DPH5: variants seen among roughly 807,000 people sequenced by gnomAD.
The protein encoded by DPH5 is diphthine methyl ester synthase.
In DPH5, 31 loss-of-function variants were observed where a neutral mutation model predicts 31.6. The observed-to-expected ratio is 0.98, with a 90% CI of 0.74 to 1.32. DPH5 has a LOEUF of 1.32. Ranked by LOEUF, DPH5 falls within the 40% of genes most tolerant of loss-of-function variation. The pLI is 0.00. For synonymous variants in DPH5, 120 were observed against 115.0 expected (o/e 1.04, Z -0.28); for missense variants, 309 against 335.7 (o/e 0.92, Z 0.62).
intron 5 of DPH5, among the ~76,000 whole-genome samples, chr1:100,998,667 G>T (rs1040135967): frequency 6.6e-6 from 1 of 152,194 alleles, no homozygotes; most frequent in African/African-American, 2.4e-5. Context: ...TTTATTTAGT[G>T]CCTACACTGT....
At chr1:101,002,555 A>G (rs536882990) in intron 4 of DPH5, among the ~76,000 whole-genome samples, 1 of 152,352 alleles carries the variant, frequency 6.6e-6, no homozygotes, top group East Asian at 1.9e-4. Context: ...AGACAATATA[A>G]AACAGAATAC....
At chr1:100,991,659 T>C (rs538204222) in intron 7 of DPH5, among the ~76,000 whole-genome samples, 1 of 151,366 alleles carries the variant, frequency 6.6e-6, no homozygotes, top group African/African-American at 2.4e-5. Context: ...TGTGGTGGCA[T>C]GCACCTGTAG....
chr1:101,014,343 A>C (rs984799143), intron 3 of DPH5, among the ~76,000 whole-genome samples: 6 of 152,248 alleles, frequency 3.9e-5, no homozygotes, highest in Admixed American at 3.9e-4. Flanking sequence ...AATAATGTGA[A>C]TATCAAAATA....
intron 3 of DPH5, 135 bp downstream of exon 3, chr1:101,021,506 T>C: frequency 1.2e-6 from 1 of 805,296 alleles, no homozygotes; most frequent in Non-Finnish European, 1.9e-6. Flanking sequence ...AACTATGACA[T>C]TTTAGATAGC....
chr1:100,997,771 A>G (rs1658497236), intron 5 of DPH5, among the ~76,000 whole-genome samples: 1 of 152,198 alleles, frequency 6.6e-6, no homozygotes, highest in Admixed American at 6.5e-5. Flanking sequence ...GTTATAAAAC[A>G]TATATTCTAG....
At chr1:101,016,034 G>C (rs1354566658) in intron 3 of DPH5, among the ~76,000 whole-genome samples, 1 of 152,186 alleles carries the variant, frequency 6.6e-6, no homozygotes, top group African/African-American at 2.4e-5. Flanking sequence ...TAGAGCATTC[G>C]TAAGAGTAGC....
intron 2 of DPH5, among the ~76,000 whole-genome samples, chr1:101,024,352 T>G (rs1200338484): frequency 1.3e-5 from 2 of 152,136 alleles, no homozygotes; most frequent in Non-Finnish European, 2.9e-5. Context: ...GAGGCTGCAG[T>G]GAGCCATGAT....
chr1:101,011,895 CTTT>C (rs11352737), intron 4 of DPH5, among the ~76,000 whole-genome samples: 3 of 108,154 alleles, frequency 2.8e-5, no homozygotes, highest in East Asian at 2.6e-4. Flanking sequence ...ATTATCAATT[CTTT>C]TTTTTTTTTT....
chr1:101,003,632 T>C (rs1659028439), intron 4 of DPH5, among the ~76,000 whole-genome samples: 1 of 152,168 alleles, frequency 6.6e-6, no homozygotes, highest in African/African-American at 2.4e-5. Context: ...GCAGAGTGCC[T>C]AGTAGTGCCT....
chr1:101,018,420 G>A (rs1304512408), intron 3 of DPH5, among the ~76,000 whole-genome samples: 1 of 151,850 alleles, frequency 6.6e-6, no homozygotes, highest in African/African-American at 2.4e-5. Flanking sequence ...TGTATTTTTA[G>A]TAGAGATGGG....
intron 4 of DPH5, among the ~76,000 whole-genome samples, chr1:101,002,711 T>C (rs1658962342): frequency 6.6e-6 from 1 of 152,140 alleles, no homozygotes; most frequent in Admixed American, 6.6e-5. Flanking sequence ...AGGAAGTCAC[T>C]TTTCTCAGCC....
intron 3 of DPH5, among the ~76,000 whole-genome samples, chr1:101,020,004 A>G (rs1660332502): frequency 6.6e-6 from 1 of 152,206 alleles, no homozygotes; most frequent in African/African-American, 2.4e-5. Flanking sequence ...TGAAATGGAA[A>G]GTTGTACCAT....
Position 101,025,401 on chromosome 1 carries a change from T to A in DPH5, c.43A>T (p.Ile15Phe), listed in dbSNP as rs1660752854. The change falls in exon 2 of 8, where the codon ATC becomes TTC. Residue 15 changes from isoleucine (I) to phenylalanine (F), a missense_variant. By Grantham distance (21) the Ile-to-Phe change is conservative. Coordinates refer to ENST00000370109, the MANE Select transcript of DPH5 (RefSeq NM_015958.3). ...IGLGLGDAKD[I>F]TVKGLEVVRR... ...ACAACTTCCAGGCCCTTGACTGTGATGTCCTTGGCATCTCCCAGGCCCAAC... is the reference window on the plus strand; with the variant it reads ...ACAACTTCCAGGCCCTTGACTGTGAAGTCCTTGGCATCTCCCAGGCCCAAC... The A allele has an allele frequency of 1.9e-6, 3 of 1,614,226 alleles. No individual in the cohort carries two copies. The highest frequency in any genetic ancestry group is 2.5e-6 in the Non-Finnish European group (3 of 1,180,042).
At chr1:101,002,566 T>G (rs1221861282) in intron 4 of DPH5, among the ~76,000 whole-genome samples, 1 of 152,196 alleles carries the variant, frequency 6.6e-6, no homozygotes, top group East Asian at 1.9e-4. Flanking sequence ...AACAGAATAC[T>G]AAAGTTGTAT....
rs1387035277 is a variant in DPH5, at chr1:101,025,761, G to C, written c.-102C>G. 1 of 303,338 alleles carries C rather than the reference G, an allele frequency of 3.3e-6. No homozygotes were observed. Among genetic ancestry groups the C allele is most frequent in the Admixed American group, 4.8e-5 (1 of 20,698 alleles). 18.8% of individuals were successfully genotyped at this position (303,338 alleles called of 1,614,324 possible). A position where few individuals can be genotyped will look rare whatever the true frequency, so the allele number is the denominator to read the frequency against. On this transcript the variant is annotated 5_prime_UTR_variant, in exon 1 of 8. Transcript: ENST00000370109. ...CCTTTCCGCAGAAGCAACTGCAAAA[G>C]CGCCGGCTCCGTGCAGAGAAAAGGC...
chr1:101,011,977 T>C lies in DPH5; in HGVS notation c.369+1733A>G, dbSNP rs190022052. On this transcript the variant is annotated intron_variant, in intron 4 of 7. Transcript: ENST00000370109. Reference sequence around the variant, plus strand: ...GTGCAATGGCGCGATCTCAGCTCACTGCAACCTCCGCCTTGTGGATTAGGG... The same window carrying C: ...GTGCAATGGCGCGATCTCAGCTCACCGCAACCTCCGCCTTGTGGATTAGGG... 2.2e-4 allele frequency among the ~76,000 whole-genome samples: 33 copies of C among 148,160 alleles called. No individual in the cohort carries two copies. The East Asian group carries it at 7.0e-3, about 31-fold the overall frequency.
chr1:101,021,746 T>C lies in DPH5; in HGVS notation c.155A>G (p.Lys52Arg). The change falls in exon 3 of 8, where the codon AAA (lysine) becomes AGA (arginine). Residue 52 changes from lysine (K) to arginine (R), a missense_variant. Transcript: ENST00000370109. ...KEALEEFYGRKLVVADREEVE... is the reference protein window; with the variant it reads ...KEALEEFYGRRLVVADREEVE... ...TTCTTCTCTATCAGCAACAACCAATTTTCTTCCATAAAACTCTTCCTACAG... is the reference window on the plus strand; with the variant it reads ...TTCTTCTCTATCAGCAACAACCAATCTTCTTCCATAAAACTCTTCCTACAG... 1 of 1,613,120 alleles carries C rather than the reference T, an allele frequency of 6.2e-7. No individual in the cohort carries two copies. Among genetic ancestry groups the C allele is most frequent in the African/African-American group, 1.3e-5 (1 of 74,876 alleles).
At chr1:100,996,889 T>C (rs759205216) in intron 5 of DPH5, among the ~76,000 whole-genome samples, 3 of 152,226 alleles carry the variant, frequency 2.0e-5, no homozygotes, top group African/African-American at 7.2e-5. Context: ...ACAGCAGGCA[T>C]TGAATAAATA....
chr1:101,000,652 AG>A (rs1438520148), intron 5 of DPH5, among the ~76,000 whole-genome samples: 1 of 152,226 alleles, frequency 6.6e-6, no homozygotes, highest in African/African-American at 2.4e-5. Flanking sequence ...ATCATTGCAA[AG>A]TCATCAAAAA....
Sources: gnomAD v4.1 joint callset for allele counts (sites outside exome capture counted in the v4.1 genomes callset) on GRCh38, gnomAD v4.1.1 for gene constraint, MANE v1.5 for transcripts, NCBI Gene and HGNC (gene_info 2026-07-23, HGNC 2026-07-21) for gene names.